Variants in NSMAF observed in about 807,000 individuals in gnomAD.
The protein encoded by NSMAF is neutral sphingomyelinase activation associated factor.
Under a neutral mutation model 134.9 loss-of-function variants are expected in NSMAF, and 90 were observed. That is an observed-to-expected ratio of 0.67 (90% confidence interval 0.56 to 0.79). The LOEUF (loss-of-function observed/expected upper bound fraction) is 0.79, where lower values mean the gene tolerates loss of function less well. NSMAF is among the 30% of genes least tolerant of loss of function. The probability of loss-of-function intolerance (pLI) is 0.00; values close to 1 mark genes in which losing one functional copy is unlikely to be tolerated. For missense variants in NSMAF, 1,010 were observed against 1,119.0 expected (o/e 0.90, Z 1.39); for synonymous variants, 358 against 389.6 (o/e 0.92, Z 0.96).
At chr8:58,607,107 T>C (rs1806426799) in intron 11 of NSMAF, among the ~76,000 whole-genome samples, 1 of 152,210 alleles carries the variant, frequency 6.6e-6, no homozygotes, top group Non-Finnish European at 1.5e-5. Context: ...CACAATGCTT[T>C]TGTAATGTCA....
At position 58,607,927 on chromosome 8, in the gene NSMAF, T is replaced by C; in HGVS notation, c.688-87A>G. 5.6e-6 allele frequency: 6 copies of C among 1,064,928 alleles called. No individual in the cohort carries two copies. In the South Asian group the frequency reaches 7.6e-5, roughly 14 times the overall value. The allele number at this position is 1,064,928 out of a possible 1,614,324, so 66.0% of individuals were successfully genotyped here. ...TAGTATCAGAAAGGGGAAAAAAAAA[T>C]CACCAAATCTTGCTTTCCTAATAAA... On this transcript the variant is annotated intron_variant, in intron 10 of 30. Coordinates refer to ENST00000038176, the MANE Select transcript of NSMAF (RefSeq NM_003580.4).
chr8:58,588,921 A>T (rs898015237), intron 26 of NSMAF, among the ~76,000 whole-genome samples: 4 of 152,132 alleles, frequency 2.6e-5, no homozygotes, highest in Non-Finnish European at 5.9e-5. Flanking sequence ...CCACAATGGA[A>T]TACACAGTAC....
intron 9 of NSMAF, among the ~76,000 whole-genome samples, chr8:58,620,036 G>A (rs982026014): frequency 6.6e-6 from 1 of 152,154 alleles, no homozygotes; most frequent in African/African-American, 2.4e-5. Context: ...AAATCTCCTT[G>A]ATATAAGGCA....
At chr8:58,600,505 C>T (rs1293124143) in intron 16 of NSMAF, among the ~76,000 whole-genome samples, 4 of 151,526 alleles carry the variant, frequency 2.6e-5, no homozygotes, top group Non-Finnish European at 4.4e-5. Flanking sequence ...CGCCTGTAGT[C>T]CCAGCTACTC....
intron 9 of NSMAF, among the ~76,000 whole-genome samples, chr8:58,620,081 G>A (rs946806711): frequency 6.6e-6 from 1 of 152,164 alleles, no homozygotes; most frequent in Admixed American, 6.5e-5. Flanking sequence ...ATACAGAAAT[G>A]TCATCTTTGC....
chr8:58,599,425 T>C, intron 18 of NSMAF, 62 bp from the exon 19 acceptor site: 5 of 1,568,368 alleles, frequency 3.2e-6, no homozygotes, highest in South Asian at 2.3e-5. Context: ...CCATTTCTCT[T>C]GTCTATCTAT....
At position 58,599,330 on chromosome 8, in the gene NSMAF, G is replaced by C. The variant is rs1806219703; in HGVS notation, c.1487C>G (p.Ala496Gly). 6.2e-7 allele frequency: 1 copy of C among 1,613,868 alleles called. No homozygotes were observed. The highest frequency in any genetic ancestry group is 1.1e-5 in the South Asian group (1 of 91,080). ...TTCAGACACATAATTGCTTTCCAATGCATCTTTGCTCTTCTGGAGAAAGTC... is the reference window on the plus strand; with the variant it reads ...TTCAGACACATAATTGCTTTCCAATCCATCTTTGCTCTTCTGGAGAAAGTC... ...PEDFLQKSKD[A>G]LESNYVSEHL... is the part of the protein sequence containing the mutation. Residue 496 changes from alanine (A) to glycine (G), a missense_variant, in exon 19 of 31, where the codon GCA (alanine) becomes GGA (glycine). By Grantham distance (60) the Ala-to-Gly change is moderately conservative. Coordinates refer to ENST00000038176, the MANE Select transcript of NSMAF (RefSeq NM_003580.4).
intron 22 of NSMAF, 33 bp from the exon 23 acceptor site, chr8:58,594,323 T>C: frequency 6.3e-7 from 1 of 1,579,738 alleles, no homozygotes; most frequent in Non-Finnish European, 8.7e-7. Context: ...AAATTACTAC[T>C]CATCATGTGT....
In NSMAF at chr8:58,623,698, C is replaced by CA. The variant is rs1806846093; in HGVS notation, c.456+10dup. 6.2e-7 allele frequency: 1 copy of CA among 1,610,968 alleles called. No individual in the cohort carries two copies. The highest frequency in any genetic ancestry group is 8.5e-7 in the Non-Finnish European group (1 of 1,177,774). On this transcript the variant is annotated intron_variant, in intron 7 of 30. Coordinates refer to ENST00000038176, the MANE Select transcript of NSMAF (RefSeq NM_003580.4). Reference sequence around the variant, plus strand: ...AGTTTGCTTTGAATTTTCTACCCAGCAAGTGCTTACCTGAAGCAACGTCTC... The same window carrying CA: ...AGTTTGCTTTGAATTTTCTACCCAGCAAAGTGCTTACCTGAAGCAACGTCTC...
In NSMAF at chr8:58,635,171, T is replaced by C. The variant is rs1563540345; in HGVS notation, c.333+18A>G. 5.0e-6 allele frequency: 8 copies of C among 1,596,038 alleles called. No individual in the cohort carries two copies. The highest frequency in any genetic ancestry group is 6.9e-6 in the Non-Finnish European group (8 of 1,166,818). Reference sequence around the variant, plus strand: ...AATGTTCATTCAGATTAGGAAAAAATATTTATTATGTGCTTACCTGACTGA... The same window carrying C: ...AATGTTCATTCAGATTAGGAAAAAACATTTATTATGTGCTTACCTGACTGA... On this transcript the variant is annotated intron_variant, in intron 5 of 30. Coordinates refer to ENST00000038176, the MANE Select transcript of NSMAF (RefSeq NM_003580.4).
In NSMAF at chr8:58,650,626, C is replaced by A. The variant is rs571026662; in HGVS notation, c.60-7553G>T. On this transcript the variant is annotated intron_variant, in intron 1 of 30. Transcript: ENST00000038176. ...CACCTATCTTTTTTGTTCCTTGGAA[C>A]TTTCAATATCTGCTTTCTTAAAATT... is the stretch of plus-strand genomic sequence containing the variant. Among the ~76,000 whole-genome samples the A allele has an allele frequency of 6.6e-5, 10 of 152,310 alleles. No homozygotes were observed. The South Asian group carries it at 1.2e-3, about 19-fold the overall frequency.
chr8:58,625,762 G>T (rs1474503581), intron 6 of NSMAF, among the ~76,000 whole-genome samples: 1 of 152,088 alleles, frequency 6.6e-6, no homozygotes, highest in Non-Finnish European at 1.5e-5. Context: ...TTTGATTGGG[G>T]AGTTTGATAT....
intron 6 of NSMAF, among the ~76,000 whole-genome samples, chr8:58,624,440 A>T (rs1207707146): frequency 2.0e-5 from 3 of 150,380 alleles, no homozygotes; most frequent in Non-Finnish European, 4.4e-5. Context: ...TTGCTGCATC[A>T]CCTAAGTTTT....
intron 1 of NSMAF, among the ~76,000 whole-genome samples, chr8:58,653,812 T>TA: frequency 6.6e-6 from 1 of 152,256 alleles, no homozygotes; most frequent in East Asian, 1.9e-4. Context: ...TATATCACAC[T>TA]AAAAAAATTT....
rs771258375 is a variant in NSMAF, at chr8:58,601,430, G to C, written c.1216+15C>G. On this transcript the variant is annotated intron_variant, in intron 15 of 30. Coordinates refer to ENST00000038176, the MANE Select transcript of NSMAF (RefSeq NM_003580.4). ...GAAATAAAATTTAATTGGGGGTAAT[G>C]ATAAAGAATCTTACCAATCCTAACA... 3 of 1,611,064 alleles carry C rather than the reference G, an allele frequency of 1.9e-6. No homozygotes were observed. The highest frequency in any genetic ancestry group is 2.5e-6 in the Non-Finnish European group (3 of 1,177,860).
At chr8:58,616,767 A>G (rs1806664292) in intron 9 of NSMAF, among the ~76,000 whole-genome samples, 1 of 152,320 alleles carries the variant, frequency 6.6e-6, no homozygotes, top group South Asian at 2.1e-4. Context: ...AATAAAAGCC[A>G]TACGGATTTC....
intron 22 of NSMAF, 134 bp from the exon 23 acceptor site, chr8:58,594,424 A>G (rs539540534): frequency 1.3e-6 from 1 of 753,708 alleles, no homozygotes; most frequent in African/African-American, 1.7e-5. Flanking sequence ...GATCTGTCCC[A>G]GCATAAACCT....
rs145443754 is a variant in NSMAF, at chr8:58,592,763, T to C, written c.1951+1469A>G. Among the ~76,000 whole-genome samples the C allele has an allele frequency of 3.4e-3, 523 of 152,094 alleles. 2 individuals carry two copies. The highest frequency in any genetic ancestry group is 5.9e-3 in the Non-Finnish European group (403 of 67,990). ...TTAGCCAGGCACGATGGTGGGTGCC[T>C]GTGAACCCAGCTACTCAGGAGGCTG... On this transcript the variant is annotated intron_variant, in intron 23 of 30. Coordinates refer to ENST00000038176, the MANE Select transcript of NSMAF (RefSeq NM_003580.4).
chr8:58,634,687 T>C (rs1807129097), intron 5 of NSMAF, among the ~76,000 whole-genome samples: 1 of 152,230 alleles, frequency 6.6e-6, no homozygotes, highest in Admixed American at 6.5e-5. Context: ...CATGTTTTAA[T>C]TGACCTTTTA....
Sources: allele counts gnomAD v4.1 joint callset (sites outside exome capture counted in the v4.1 genomes callset), GRCh38; gene constraint gnomAD v4.1.1; transcripts MANE v1.5; gene names NCBI Gene and HGNC (gene_info 2026-07-23, HGNC 2026-07-21).